CAPN3: variants seen among roughly 807,000 people sequenced by gnomAD.
CAPN3 encodes calpain 3, also known as calpain-3.
In CAPN3, 88 loss-of-function variants were observed where a neutral mutation model predicts 114.0. That is an observed-to-expected ratio of 0.77 (90% CI 0.65 to 0.92). The LOEUF (loss-of-function observed/expected upper bound fraction) is 0.92. Ranked by LOEUF, CAPN3 falls within the 40% of genes least tolerant of loss-of-function variation. The pLI, the probability that CAPN3 is intolerant of heterozygous loss-of-function variation, is 0.00. For synonymous variants in CAPN3, 386 were observed against 382.9 expected, an observed-to-expected ratio of 1.01 and a Z score of -0.09; for missense variants, 1,028 against 1,069.0, an observed-to-expected ratio of 0.96 and a Z score of 0.53.
At chr15:42,404,180 C>T (rs1489832421) in intron 14 of CAPN3, 1 of 459,240 alleles carries the variant, frequency 2.2e-6, no homozygotes, top group African/African-American at 2.0e-5. Flanking sequence ...GGATCCTCCA[C>T]TTACCAGCGG....
At chr15:42,381,740 A>T (rs187385906) in intron 1 of CAPN3, among the ~76,000 whole-genome samples, 2 of 152,224 alleles carry the variant, frequency 1.3e-5, no homozygotes, top group Non-Finnish European at 2.9e-5. Context: ...AGGTTTCGTC[A>T]TGTTGGCCAG....
intron 1 of CAPN3, among the ~76,000 whole-genome samples, chr15:42,363,114 C>T (rs927889604): frequency 2.0e-5 from 3 of 152,098 alleles, no homozygotes; most frequent in African/African-American, 7.2e-5. Context: ...TAAAAGAAAA[C>T]AGGCTCTGGC....
chr15:42,401,510 A>T, intron 10 of CAPN3, 131 bp from the exon 11 acceptor site: 1 of 418,422 alleles, frequency 2.4e-6, no homozygotes, highest in Admixed American at 2.7e-5. Flanking sequence ...AAATGCCTGA[A>T]TCGTGTTTTC....
chr15:42,408,253 C>T lies in CAPN3; in HGVS notation c.1843C>T (p.Leu615=). The change falls in exon 16 of 24, where the codon CTG becomes TTG. Residue 615 remains leucine, a synonymous_variant. Coordinates refer to ENST00000397163, the MANE Select transcript of CAPN3 (RefSeq NM_000070.3). ...VSDRANSNKE[L]GVDQESEEGK... ...GGACAGAGCAAACAGCAACAAGGAG[C>T]TGGGTGTGGACCAGGAGTCAGAGGA... 1.9e-6 allele frequency: 3 copies of T among 1,613,876 alleles called. No homozygotes were observed. Among genetic ancestry groups the T allele is most frequent in the Non-Finnish European group, 2.5e-6 (3 of 1,179,870 alleles).
chr15:42,393,624 C>T (rs1208078624), intron 7 of CAPN3, among the ~76,000 whole-genome samples: 16 of 146,340 alleles, frequency 1.1e-4, no homozygotes, highest in Admixed American at 5.5e-4. Context: ...GACGGAGTCT[C>T]ACTCTGTTGC....
rs973969210 is a variant in CAPN3, at chr15:42,409,818, A to T, written c.2024A>T (p.Lys675Met). 5.8e-6 allele frequency: 9 copies of T among 1,548,566 alleles called. No individual in the cohort carries two copies. The highest frequency in any genetic ancestry group is 7.8e-6 in the Non-Finnish European group (9 of 1,147,574). The part of the protein sequence containing the change: ...DMEICADELK[K>M]VLNTVVNKHK... ...GAGATCTGTGCAGATGAGCTCAAGA[A>T]GGTCCTTAACACAGTCGTGAACAAA... The change falls in exon 18 of 24, where the codon AAG (lysine) becomes ATG (methionine). Residue 675 changes from lysine (K) to methionine (M), a missense_variant. Transcript: ENST00000397163.
At chr15:42,406,152 G>A (rs934367917) in intron 15 of CAPN3, among the ~76,000 whole-genome samples, 1 of 152,136 alleles carries the variant, frequency 6.6e-6, no homozygotes, top group Non-Finnish European at 1.5e-5. Flanking sequence ...CACTCTTTTA[G>A]GTGCTTTCCA....
At chr15:42,388,836 C>A in intron 4 of CAPN3, 92 bp from the exon 5 acceptor site, 2 of 988,548 alleles carry the variant, frequency 2.0e-6, no homozygotes, top group Non-Finnish European at 3.3e-6. Context: ...AACATCACAG[C>A]ATCCAAGAGG....
intron 16 of CAPN3, 123 bp from the exon 17 acceptor site, chr15:42,409,180 C>G: frequency 1.2e-6 from 1 of 824,796 alleles, no homozygotes; most frequent in Non-Finnish European, 2.1e-6. Flanking sequence ...TTTGCCCGTC[C>G]CCAGCTCCTG....
intron 12 of CAPN3, chr15:42,402,346 T>C: frequency 1.3e-6 from 2 of 1,483,474 alleles, no homozygotes; most frequent in Non-Finnish European, 1.8e-6. Context: ...ACTTTCTCCC[T>C]CGCACCAGAC....
chr15:42,364,879 A>C (rs1017497972), intron 1 of CAPN3, among the ~76,000 whole-genome samples: 15 of 152,200 alleles, frequency 9.9e-5, no homozygotes, highest in East Asian at 3.8e-4. Flanking sequence ...TTCCCAAAGC[A>C]GGGGCAACCT....
intron 14 of CAPN3, among the ~76,000 whole-genome samples, chr15:42,405,714 A>G (rs2053999967): frequency 6.6e-6 from 1 of 152,126 alleles, no homozygotes; most frequent in South Asian, 2.1e-4. Context: ...AAGTCAGAGC[A>G]GTCACTGGTG....
intron 8 of CAPN3, among the ~76,000 whole-genome samples, chr15:42,395,423 C>T (rs913939286): frequency 1.3e-5 from 2 of 152,066 alleles, no homozygotes; most frequent in African/African-American, 2.4e-5. Flanking sequence ...GTTTAAGGTC[C>T]GGGGAAGGAC....
chr15:42,385,906 C>T (rs757133077), intron 2 of CAPN3: 1 of 685,604 alleles, frequency 1.5e-6, no homozygotes, highest in Non-Finnish European at 2.7e-6. Context: ...GTTTATACTG[C>T]AGTTGGAGGA....
chr15:42,411,735 G>A lies in CAPN3; in HGVS notation c.2440-12G>A. On this transcript the variant is annotated splice_polypyrimidine_tract_variant and intron_variant, in intron 23 of 23. Coordinates refer to ENST00000397163, the MANE Select transcript of CAPN3 (RefSeq NM_000070.3). ...TTTCTGATCTACATTCTGATCTTGG[G>A]ACTTCTTTCAGTGGCTGCAGCTCAC... 6.8e-7 allele frequency: 1 copy of A among 1,462,120 alleles called. No homozygotes were observed. Among genetic ancestry groups the A allele is most frequent in the South Asian group, 1.1e-5 (1 of 87,828 alleles). 90.6% of individuals were successfully genotyped at this position (1,462,120 alleles called of 1,614,324 possible). A position where few individuals can be genotyped will look rare whatever the true frequency, so the allele number is the denominator to read the frequency against.
intron 8 of CAPN3, 53 bp downstream of exon 8, chr15:42,394,394 CA>C: frequency 7.1e-7 from 1 of 1,406,352 alleles, no homozygotes; most frequent in Non-Finnish European, 9.9e-7. Flanking sequence ...GGGTCCGGGA[CA>C]AGGCTGTGTT....
At chr15:42,408,572 C>G (rs1016848240) in intron 16 of CAPN3, 2 of 487,328 alleles carry the variant, frequency 4.1e-6, no homozygotes, top group Non-Finnish European at 7.8e-6. Flanking sequence ...TGGAGCTGAT[C>G]CAGCCAGGAT....
chr15:42,384,972 C>T (rs770096898), intron 2 of CAPN3, among the ~76,000 whole-genome samples: 3 of 152,230 alleles, frequency 2.0e-5, no homozygotes, highest in Non-Finnish European at 2.9e-5. Flanking sequence ...GTAACTGGAA[C>T]CCTTGTTTAA....
rs142839170 is a variant in CAPN3 at position 42,384,633 on chromosome 15, G to T, written c.379+81G>T. The T allele has an allele frequency of 6.5e-4, 681 of 1,043,876 alleles. 2 individuals carry two copies. In the African/African-American group the frequency reaches 9.5e-3, roughly 15 times the overall value. 64.7% of individuals were successfully genotyped at this position (1,043,876 alleles called of 1,614,324 possible). A position where few individuals can be genotyped will look rare whatever the true frequency, so the allele number is the denominator to read the frequency against. ...TGTGATCCCCTTCCAGGAGGTAAAG[G>T]GACAATCTGTGCTTGCTTCCAGTAA... is the stretch of plus-strand genomic sequence containing the variant. On this transcript the variant is annotated intron_variant, in intron 2 of 23. Coordinates refer to ENST00000397163, the MANE Select transcript of CAPN3 (RefSeq NM_000070.3).
Sources: gnomAD v4.1 joint callset for allele counts (sites outside exome capture counted in the v4.1 genomes callset) on GRCh38, gnomAD v4.1.1 for gene constraint, MANE v1.5 for transcripts, NCBI Gene and HGNC (gene_info 2026-07-23, HGNC 2026-07-21) for gene names.